Variants in BCKDHB observed in about 807,000 individuals in gnomAD.
The protein encoded by BCKDHB is 2-oxoisovalerate dehydrogenase subunit beta, mitochondrial.
Under a neutral mutation model 48.5 loss-of-function variants are expected in BCKDHB, and 41 were observed. The observed-to-expected ratio is 0.85, with a 90% CI of 0.66 to 1.10. The LOEUF (loss-of-function observed/expected upper bound fraction) is 1.10. Ranked by LOEUF, BCKDHB falls within the 50% of genes least tolerant of loss-of-function variation. The probability of loss-of-function intolerance (pLI) is 0.00; values close to 1 mark genes in which losing one functional copy is unlikely to be tolerated. For missense variants in BCKDHB, 496 were observed against 494.2 expected (o/e 1.00, Z -0.03); for synonymous variants, 201 against 174.8 (o/e 1.15, Z -1.18).
intron 8 of BCKDHB, among the ~76,000 whole-genome samples, chr6:80,259,216 G>C (rs1777185906): frequency 6.6e-6 from 1 of 152,188 alleles, no homozygotes; most frequent in Non-Finnish European, 1.5e-5. Context: ...CCTTTCTTCA[G>C]CCATTCCTCC....
At chr6:80,272,777 G>C (rs931221542) in intron 8 of BCKDHB, among the ~76,000 whole-genome samples, 2 of 151,892 alleles carry the variant, frequency 1.3e-5, no homozygotes, top group Admixed American at 1.3e-4. Context: ...AAAAACTTTC[G>C]CTCTTTAACA....
At chr6:80,285,432 A>G (rs1766579118) in intron 9 of BCKDHB, among the ~76,000 whole-genome samples, 1 of 152,194 alleles carries the variant, frequency 6.6e-6, no homozygotes, top group Admixed American at 6.5e-5. Flanking sequence ...ACTTTATAAA[A>G]ATAGGACCTT....
chr6:80,397,842 G>C, the BCKDHB span, among the ~76,000 whole-genome samples: 1 of 152,118 alleles, frequency 6.6e-6, no homozygotes, highest in Admixed American at 6.6e-5. Flanking sequence ...TCACACCACT[G>C]CACTCCAACC....
intron 9 of BCKDHB, among the ~76,000 whole-genome samples, chr6:80,277,751 C>T (rs1326319131): frequency 6.7e-6 from 1 of 150,276 alleles, no homozygotes; most frequent in Non-Finnish European, 1.5e-5. Flanking sequence ...ACCATTGTTA[C>T]ATCCTTTCTG....
chr6:80,138,128 T>C, intron 3 of BCKDHB, among the ~76,000 whole-genome samples: 1 of 151,980 alleles, frequency 6.6e-6, no homozygotes, highest in Non-Finnish European at 1.5e-5. Context: ...TCTATTTCCA[T>C]GTAATGTGGA....
chr6:80,181,028 A>G (rs1250526100), intron 6 of BCKDHB, among the ~76,000 whole-genome samples: 1 of 152,204 alleles, frequency 6.6e-6, no homozygotes, highest in African/African-American at 2.4e-5. Context: ...AAATCCAAGC[A>G]TCTTTCCCCA....
intron 9 of BCKDHB, among the ~76,000 whole-genome samples, chr6:80,323,205 G>A (rs1469394896): frequency 6.6e-6 from 1 of 152,034 alleles, no homozygotes; most frequent in African/African-American, 2.4e-5. Context: ...CATCTTGTAT[G>A]CTCCATAGGT....
intron 6 of BCKDHB, among the ~76,000 whole-genome samples, chr6:80,177,407 C>T (rs189349626): frequency 2.0e-5 from 3 of 151,510 alleles, no homozygotes; most frequent in Admixed American, 6.6e-5. Context: ...AAACAGATAA[C>T]GGGGGAATTG....
In BCKDHB at chr6:80,118,607, G is replaced by A. The variant is rs115946419; in HGVS notation, c.197-8940G>A. On this transcript the variant is annotated intron_variant, in intron 1 of 9. Transcript: ENST00000320393. ...AGATTTCTCTGTAGCATGAGATGCCGTTTGATAGCATTTTACCACAGTAGA... is the reference window on the plus strand; with the variant it reads ...AGATTTCTCTGTAGCATGAGATGCCATTTGATAGCATTTTACCACAGTAGA... 2.6e-3 allele frequency among the ~76,000 whole-genome samples: 389 copies of A among 151,918 alleles called. 1 individual carries two copies. Among genetic ancestry groups the A allele is most frequent in the African/African-American group, 9.1e-3 (378 of 41,436 alleles).
the BCKDHB span, among the ~76,000 whole-genome samples, chr6:80,409,155 T>C: frequency 6.6e-6 from 1 of 152,116 alleles, no homozygotes; most frequent in African/African-American, 2.4e-5. Context: ...AGGAGCAGGT[T>C]GTTCAGTTTC....
intron 1 of BCKDHB, among the ~76,000 whole-genome samples, chr6:80,115,803 A>AT (rs1350597590): frequency 9.2e-5 from 14 of 151,808 alleles, no homozygotes; most frequent in African/African-American, 3.4e-4. Context: ...CGCCTGGCTA[A>AT]TTTTTTGTAT....
chr6:80,155,277 T>C (rs948184566), intron 3 of BCKDHB, among the ~76,000 whole-genome samples: 18 of 152,144 alleles, frequency 1.2e-4, no homozygotes, highest in African/African-American at 3.9e-4. Flanking sequence ...CAAAGACTTA[T>C]TACATTCAGA....
intron 8 of BCKDHB, among the ~76,000 whole-genome samples, chr6:80,218,321 G>A (rs1460995337): frequency 6.6e-6 from 1 of 151,982 alleles, no homozygotes; most frequent in African/African-American, 2.4e-5. Flanking sequence ...TGGGAAAGTG[G>A]AATTCATAAT....
At chr6:80,355,851 C>G in the BCKDHB span, 2 of 152,236 alleles carry the variant, frequency 1.3e-5, no homozygotes, top group Non-Finnish European at 2.9e-5. Flanking sequence ...AGGGCTGCTA[C>G]TGCCACAGGT....
At chr6:80,147,953 G>A (rs1187122488) in intron 3 of BCKDHB, among the ~76,000 whole-genome samples, 2 of 152,032 alleles carry the variant, frequency 1.3e-5, no homozygotes, top group African/African-American at 4.8e-5. Flanking sequence ...AGTGGTGAGG[G>A]GTTACACATT....
chr6:80,395,489 T>C, the BCKDHB span, among the ~76,000 whole-genome samples: 1 of 152,166 alleles, frequency 6.6e-6, no homozygotes, highest in Non-Finnish European at 1.5e-5. Flanking sequence ...CAGAGAGATG[T>C]GTGGAACTTT....
chr6:80,439,472 A>G, the BCKDHB span, among the ~76,000 whole-genome samples: 1 of 152,208 alleles, frequency 6.6e-6, no homozygotes, highest in Non-Finnish European at 1.5e-5. Context: ...TATTTGGTCC[A>G]TCCTAGGTCA....
chr6:80,464,086 G>C, the BCKDHB span, among the ~76,000 whole-genome samples: 4 of 151,986 alleles, frequency 2.6e-5, no homozygotes, highest in Admixed American at 6.6e-5. Context: ...ATCAAACACA[G>C]ATTACAAGTG....
At chr6:80,456,399 G>A in the BCKDHB span, among the ~76,000 whole-genome samples, 1 of 152,066 alleles carries the variant, frequency 6.6e-6, no homozygotes. Context: ...CTTTGGGGGT[G>A]TCTCTCACCT....
Sources: allele counts gnomAD v4.1 joint callset (sites outside exome capture counted in the v4.1 genomes callset), GRCh38; gene constraint gnomAD v4.1.1; transcripts MANE v1.5; gene names NCBI Gene and HGNC (gene_info 2026-07-23, HGNC 2026-07-21).